The following PCDHGA4 variants were observed in gnomAD, a reference collection of about 807,000 sequenced individuals.
The protein encoded by PCDHGA4 is protocadherin gamma-A4.
A neutral mutation model predicts 54.6 loss-of-function variants in PCDHGA4; 38 were observed. That is an observed-to-expected ratio of 0.70 (90% CI 0.54 to 0.91). The LOEUF is 0.91. Ranked by LOEUF, PCDHGA4 falls within the 40% of genes least tolerant of loss-of-function variation. PCDHGA4 has a pLI of 0.00. For missense variants in PCDHGA4, 1,298 were observed against 1,220.9 expected, an observed-to-expected ratio of 1.06 and a Z score of -0.94; for synonymous variants, 511 against 512.9, an observed-to-expected ratio of 1.00 and a Z score of 0.05.
Position 141,486,200 on chromosome 5 carries a change from G to A in PCDHGA4, c.2515-8607G>A, listed in dbSNP as rs764874531. The stretch of plus-strand genomic sequence containing the variant: ...CAGCCTTCGAGTGGATCTGCTGGAC[G>A]TAAATGACAATGCCCCTTACATCAC... On this transcript the variant is annotated intron_variant, in intron 1 of 3. Transcript: ENST00000571252. The surrounding 1 kb of genome is among the most constrained non-coding windows in gnomAD (Gnocchi z 5.0). The A allele has an allele frequency of 2.0e-5, 32 of 1,614,096 alleles. No homozygotes were observed. Among genetic ancestry groups the A allele is most frequent in the Non-Finnish European group, 2.3e-5 (27 of 1,180,040 alleles).
Position 141,388,164 on chromosome 5 carries a change from G to A in PCDHGA4, c.2514+30543G>A, listed in dbSNP as rs372819071. 487 of 1,478,548 alleles carry A rather than the reference G, an allele frequency of 3.3e-4. No homozygotes were observed. The highest frequency in any genetic ancestry group is 4.3e-4 in the Non-Finnish European group (458 of 1,069,378). 91.6% of individuals were successfully genotyped at this position (1,478,548 alleles called of 1,614,324 possible). A position where few individuals can be genotyped will look rare whatever the true frequency, so the allele number is the denominator to read the frequency against. On this transcript the variant is annotated intron_variant, in intron 1 of 3. Coordinates refer to ENST00000571252, the MANE Select transcript of PCDHGA4 (RefSeq NM_018917.4). ...TGTGAGCAGCAGGCTAGACAGGGAG[G>A]AGATATGCGGGAAGAAGCCAGCTTG...
At position 141,510,984 on chromosome 5, in the gene PCDHGA4, C is replaced by A. The variant is rs375865663; in HGVS notation, c.2700C>A (p.Ala900=). 6.2e-7 allele frequency: 1 copy of A among 1,614,162 alleles called. No individual in the cohort carries two copies. The highest frequency in any genetic ancestry group is 8.5e-7 in the Non-Finnish European group (1 of 1,180,012). The part of the protein sequence containing the change: ...ADGSSTLGGG[A]GTMGLSARYG... The stretch of plus-strand genomic sequence containing the variant: ...GGAGCTCCACCCTGGGAGGGGGTGC[C>A]GGCACCATGGGATTGAGCGCCCGCT... Residue 900 remains alanine, a synonymous_variant, in exon 4 of 4, where the codon GCC becomes GCA. Coordinates refer to ENST00000571252, the MANE Select transcript of PCDHGA4 (RefSeq NM_018917.4).
intron 1 of PCDHGA4, chr5:141,394,385 G>C: frequency 6.2e-7 from 1 of 1,614,206 alleles, no homozygotes. Context: ...ACTATGAGCA[G>C]ATCCGAGACC....
rs1225265096 is a variant in PCDHGA4 at position 141,490,666 on chromosome 5, G to A, written c.2515-4141G>A. Reference sequence around the variant, plus strand: ...GCCTCCGGGCTCCCTTCTTTGCACTGTGGCTGCCTCAGATCCAGACACTGG... The same window carrying A: ...GCCTCCGGGCTCCCTTCTTTGCACTATGGCTGCCTCAGATCCAGACACTGG... On this transcript the variant is annotated intron_variant, in intron 1 of 3. Coordinates refer to ENST00000571252, the MANE Select transcript of PCDHGA4 (RefSeq NM_018917.4). The surrounding 1 kb of genome is among the most constrained non-coding windows in gnomAD (Gnocchi z 5.4). The A allele has an allele frequency of 1.2e-6, 2 of 1,614,134 alleles. No homozygotes were observed. The highest frequency in any genetic ancestry group is 3.3e-5 in the Admixed American group (2 of 60,026).
At chr5:141,405,470 A>G in intron 1 of PCDHGA4, 1 of 1,108,980 alleles carries the variant, frequency 9.0e-7, no homozygotes, top group Non-Finnish European at 1.3e-6. Flanking sequence ...CCCAGGCTGG[A>G]ATGCAGTGGT....
chr5:141,432,945 G>A lies in PCDHGA4; in HGVS notation c.2515-61862G>A, dbSNP rs761055026. On this transcript the variant is annotated intron_variant, in intron 1 of 3. Transcript: ENST00000571252. This position sits in a 1 kb window ranked among gnomAD's most constrained non-coding sequence, Gnocchi z 6.0. ...AAGTCACGCCTGCTGCAGGCTTCAGGAGGCGGCTTGACAGGAGCGCCGGCG... is the reference window on the plus strand; with the variant it reads ...AAGTCACGCCTGCTGCAGGCTTCAGAAGGCGGCTTGACAGGAGCGCCGGCG... 3 of 1,614,218 alleles carry A rather than the reference G, an allele frequency of 1.9e-6. No individual in the cohort carries two copies. The highest frequency in any genetic ancestry group is 2.5e-6 in the Non-Finnish European group (3 of 1,180,058).
At chr5:141,360,837 T>C in intron 1 of PCDHGA4, 1 of 1,613,970 alleles carries the variant, frequency 6.2e-7, no homozygotes, top group African/African-American at 1.3e-5. Context: ...AAGTCACGGA[T>C]GCCAACGATA....
At chr5:141,374,307 T>A in intron 1 of PCDHGA4, 1 of 1,613,922 alleles carries the variant, frequency 6.2e-7, no homozygotes, top group Non-Finnish European at 8.5e-7. Context: ...ATGCAGCTTT[T>A]CTCTCTGAAT....
At chr5:141,454,837 G>A (rs1269424734) in intron 1 of PCDHGA4, among the ~76,000 whole-genome samples, 4 of 90,354 alleles carry the variant, frequency 4.4e-5, no homozygotes, top group East Asian at 6.5e-4. Flanking sequence ...AGACAGAGTC[G>A]CGCTCTGTCA....
At chr5:141,483,648 T>TTGTGTGTGTGTGTG (rs111458813) in intron 1 of PCDHGA4, among the ~76,000 whole-genome samples, 2 of 149,592 alleles carry the variant, frequency 1.3e-5, no homozygotes, top group Non-Finnish European at 3.0e-5. Context: ...GGGTGTGTGT[T>TTGTGTGTGTGTGTG]TGTGTGTGTG....
At chr5:141,421,025 A>C (rs1047305594) in intron 1 of PCDHGA4, 4 of 526,168 alleles carry the variant, frequency 7.6e-6, no homozygotes, top group African/African-American at 5.9e-5. Context: ...GCTGCGCGCC[A>C]TTGAGTCCCT....
Position 141,477,439 on chromosome 5 carries a change from A to C in PCDHGA4, c.2515-17368A>C. 1 of 1,614,142 alleles carries C rather than the reference A, an allele frequency of 6.2e-7. No homozygotes were observed. Among genetic ancestry groups the C allele is most frequent in the Non-Finnish European group, 8.5e-7 (1 of 1,180,016 alleles). On this transcript the variant is annotated intron_variant, in intron 1 of 3. Transcript: ENST00000571252. This position sits in a 1 kb window ranked among gnomAD's most constrained non-coding sequence, Gnocchi z 4.9. ...GAACCCCTTCCCTCTCAGCCCTTAC[A>C]ATAGTGCGTGTTCAAGTGTCCGACA... is the stretch of plus-strand genomic sequence containing the variant.
chr5:141,428,119 C>CCGGGCTTTTCAGCCTGGGGCTGCACA, intron 1 of PCDHGA4: 1 of 1,606,630 alleles, frequency 6.2e-7, no homozygotes, highest in Non-Finnish European at 8.5e-7. Context: ...GCCATCGAGC[C>CCGGGCTTTTCAGCCTGGGGCTGCACA]CGGGCTTTTC....
rs1417059875 is a variant in PCDHGA4 at position 141,496,499 on chromosome 5, G to C, written c.2573+1634G>C. 2.6e-5 allele frequency among the ~76,000 whole-genome samples: 4 copies of C among 152,102 alleles called. No individual in the cohort carries two copies. In the East Asian group the frequency reaches 7.7e-4, roughly 29 times the overall value. On this transcript the variant is annotated intron_variant, in intron 2 of 3. Coordinates refer to ENST00000571252, the MANE Select transcript of PCDHGA4 (RefSeq NM_018917.4). ...TCCTGCAACCAACCAAACCCTTGTT[G>C]CCACAAGGACCCAGGAGCCCTTGGT...
At chr5:141,447,837 G>A (rs952923627) in intron 1 of PCDHGA4, among the ~76,000 whole-genome samples, 10 of 152,170 alleles carry the variant, frequency 6.6e-5, no homozygotes, top group African/African-American at 2.4e-4. Flanking sequence ...TGTAATCCCA[G>A]TGCTTTGGGA....
chr5:141,493,338 A>G lies in PCDHGA4; in HGVS notation c.2515-1469A>G, dbSNP rs773870729. Among the ~76,000 whole-genome samples the G allele has an allele frequency of 6.6e-6, 1 of 152,162 alleles. No individual in the cohort carries two copies. The highest frequency in any genetic ancestry group is 1.5e-5 in the Non-Finnish European group (1 of 68,028). On this transcript the variant is annotated intron_variant, in intron 1 of 3. Transcript: ENST00000571252. This position sits in a 1 kb window ranked among gnomAD's most constrained non-coding sequence, Gnocchi z 4.3. ...GATTCTAACCCCTGTCTAACTCCAG[A>G]ATGTGTGCTTTTAATTTCTTGGCAC...
At chr5:141,510,062 G>GA (rs1448334820) in intron 3 of PCDHGA4, among the ~76,000 whole-genome samples, 1 of 152,150 alleles carries the variant, frequency 6.6e-6, no homozygotes. Flanking sequence ...TTGTGCATGT[G>GA]AAGCATCCAG....
Position 141,489,409 on chromosome 5 carries a change from A to T in PCDHGA4, c.2515-5398A>T. On this transcript the variant is annotated intron_variant, in intron 1 of 3. Transcript: ENST00000571252. The surrounding 1 kb of genome is among the most constrained non-coding windows in gnomAD (Gnocchi z 4.5). ...TGCTCAGGATCTGGGCTTAAAGATG[A>T]CAGATCTGTTGAGCCGGCGGCTGCA... 1.9e-6 allele frequency: 3 copies of T among 1,614,114 alleles called. No homozygotes were observed. The highest frequency in any genetic ancestry group is 2.5e-6 in the Non-Finnish European group (3 of 1,180,004).
chr5:141,383,192 A>T, intron 1 of PCDHGA4: 1 of 1,614,092 alleles, frequency 6.2e-7, no homozygotes, highest in Non-Finnish European at 8.5e-7. Context: ...ATCTGCGCTC[A>T]GAGTGCGCGG....
Sources: allele counts gnomAD v4.1 joint callset (sites outside exome capture counted in the v4.1 genomes callset), GRCh38; gene constraint gnomAD v4.1.1; non-coding constraint Gnocchi (gnomAD v3.1); transcripts MANE v1.5; gene names NCBI Gene and HGNC (gene_info 2026-07-23, HGNC 2026-07-21).